The following GRIK3 variants were observed in gnomAD, a reference collection of about 807,000 sequenced individuals.
GRIK3 encodes the protein glutamate ionotropic receptor kainate type subunit 3, also known as glutamate receptor ionotropic, kainate 3.
A neutral mutation model predicts 102.5 loss-of-function variants in GRIK3; 29 were observed. That is an observed-to-expected ratio of 0.28 (90% CI 0.21 to 0.39). The LOEUF is 0.39. Among genes scored for constraint, GRIK3 ranks in the 10% least tolerant of loss-of-function variants. The pLI is 1.00. For synonymous variants in GRIK3, 511 were observed against 504.9 expected, an observed-to-expected ratio of 1.01 and a Z score of -0.16; for missense variants, 908 against 1,252.4, an observed-to-expected ratio of 0.73 and a Z score of 4.15.
intron 1 of GRIK3, among the ~76,000 whole-genome samples, chr1:36,913,489 C>A (rs1170612628): frequency 6.6e-6 from 1 of 152,170 alleles, no homozygotes; most frequent in African/African-American, 2.4e-5. Flanking sequence ...ATCCAGATGC[C>A]TTTTAGCTTA....
intron 1 of GRIK3, among the ~76,000 whole-genome samples, chr1:36,978,795 A>C (rs532423001): frequency 1.3e-5 from 2 of 152,344 alleles, no homozygotes; most frequent in Admixed American, 1.3e-4. Flanking sequence ...GCCTTTGCAG[A>C]GGTCTAGGCT....
rs188229990 is a variant in GRIK3, at chr1:37,000,468, T to G, written c.115+33526A>C. ...TGAAGTTCAGAGAGGAAAATGAAGT[T>G]GAGAGAGGAAAATGAAGTTGAGAGA... On this transcript the variant is annotated intron_variant, in intron 1 of 15. Transcript: ENST00000373091. Among the ~76,000 whole-genome samples, 888 of 152,070 alleles carry G rather than the reference T, an allele frequency of 5.8e-3. 11 individuals are homozygous for G. The highest frequency in any genetic ancestry group is 0.021 in the African/African-American group (857 of 41,496).
At chr1:36,989,844 A>T (rs951427458) in intron 1 of GRIK3, among the ~76,000 whole-genome samples, 4 of 152,194 alleles carry the variant, frequency 2.6e-5, no homozygotes, top group African/African-American at 9.7e-5. Flanking sequence ...TACAGTGATA[A>T]CCGTACCCCA....
chr1:37,031,011 A>G (rs980171218), intron 1 of GRIK3, among the ~76,000 whole-genome samples: 1 of 152,154 alleles, frequency 6.6e-6, no homozygotes, highest in Non-Finnish European at 1.5e-5. Context: ...GGGGTCAGGT[A>G]ACCTGGAAAT....
intron 1 of GRIK3, among the ~76,000 whole-genome samples, chr1:36,970,272 G>T (rs187731027): frequency 1.3e-4 from 20 of 152,310 alleles, no homozygotes; most frequent in East Asian, 5.8e-4. Context: ...TGTGAACTAG[G>T]AGGTCATCCG....
intron 1 of GRIK3, among the ~76,000 whole-genome samples, chr1:36,899,257 G>A (rs1641206836): frequency 6.6e-6 from 1 of 152,112 alleles, no homozygotes; most frequent in African/African-American, 2.4e-5. Flanking sequence ...TAGAATGCGA[G>A]AAGATATTTG....
chr1:36,866,639 C>A (rs1464923950), intron 5 of GRIK3, among the ~76,000 whole-genome samples: 2 of 152,174 alleles, frequency 1.3e-5, no homozygotes, highest in Non-Finnish European at 2.9e-5. Context: ...GCGTAACAAT[C>A]CTGTGAGGTA....
chr1:36,978,710 A>T (rs1039356612), intron 1 of GRIK3, among the ~76,000 whole-genome samples: 2 of 152,210 alleles, frequency 1.3e-5, no homozygotes, highest in African/African-American at 4.8e-5. Flanking sequence ...CTCATCTCTC[A>T]TCATCTAACA....
intron 1 of GRIK3, among the ~76,000 whole-genome samples, chr1:36,970,053 T>C (rs1389949417): frequency 6.6e-6 from 1 of 152,188 alleles, no homozygotes; most frequent in Non-Finnish European, 1.5e-5. Flanking sequence ...AGGTGTGATA[T>C]CCAAAAACTG....
At chr1:36,807,287 G>A (rs1319373785) in intron 13 of GRIK3, among the ~76,000 whole-genome samples, 1 of 152,064 alleles carries the variant, frequency 6.6e-6, no homozygotes, top group Non-Finnish European at 1.5e-5. Flanking sequence ...GCTGCCTGGG[G>A]AGACTGTGCA....
rs184791275 is a variant in GRIK3, at chr1:37,026,078, A to G, written c.115+7916T>C. Among the ~76,000 whole-genome samples, 8 of 152,260 alleles carry G rather than the reference A, an allele frequency of 5.3e-5. No homozygotes were observed. The East Asian group carries it at 1.5e-3, about 29-fold the overall frequency. The stretch of plus-strand genomic sequence containing the variant: ...TCCAGTCTCCAGTGGCCTGCCCAGG[A>G]GGTGAGATTGTACTCCCCATCTGAG... On this transcript the variant is annotated intron_variant, in intron 1 of 15. Coordinates refer to ENST00000373091, the MANE Select transcript of GRIK3 (RefSeq NM_000831.4).
At chr1:36,803,369 A>G (rs1481577301) in intron 15 of GRIK3, among the ~76,000 whole-genome samples, 3 of 152,166 alleles carry the variant, frequency 2.0e-5, no homozygotes, top group Non-Finnish European at 2.9e-5. Context: ...AGAGAAGTGG[A>G]GTAGACAGAT....
At chr1:36,818,614 G>A (rs143121600) in intron 12 of GRIK3, among the ~76,000 whole-genome samples, 2 of 152,372 alleles carry the variant, frequency 1.3e-5, no homozygotes, top group Non-Finnish European at 2.9e-5. Flanking sequence ...TCTCGCATGT[G>A]GGACAGATTT....
intron 1 of GRIK3, among the ~76,000 whole-genome samples, chr1:36,958,363 A>G (rs822864): frequency 0.15 from 6,010 of 39,782 alleles, 104 homozygotes; most frequent in Middle Eastern, 0.32. Context: ...TCTTTGCTCC[A>G]TGAGCCTGTG....
chr1:36,960,700 G>T (rs1557442483), intron 1 of GRIK3, among the ~76,000 whole-genome samples: 3 of 152,214 alleles, frequency 2.0e-5, no homozygotes, highest in Admixed American at 2.0e-4. Context: ...GACTTCCGCT[G>T]CTAAGCCTGG....
At chr1:36,832,978 T>C (rs1342821926) in intron 10 of GRIK3, among the ~76,000 whole-genome samples, 2 of 152,148 alleles carry the variant, frequency 1.3e-5, no homozygotes, top group Non-Finnish European at 2.9e-5. Context: ...TCTTTATCAC[T>C]ATGAAATTTT....
chr1:36,938,036 C>T (rs1002398570), intron 1 of GRIK3, among the ~76,000 whole-genome samples: 2 of 152,228 alleles, frequency 1.3e-5, no homozygotes, highest in African/African-American at 4.8e-5. Flanking sequence ...GTGTTAGGAA[C>T]AAACCCATGC....
intron 13 of GRIK3, among the ~76,000 whole-genome samples, chr1:36,807,174 C>G (rs1420099016): frequency 6.6e-6 from 1 of 152,060 alleles, no homozygotes; most frequent in African/African-American, 2.4e-5. Flanking sequence ...GAATCAGAAT[C>G]CCTAAGACCA....
chr1:36,897,648 C>T (rs1056880318), intron 1 of GRIK3, among the ~76,000 whole-genome samples: 1 of 152,218 alleles, frequency 6.6e-6, no homozygotes, highest in Non-Finnish European at 1.5e-5. Flanking sequence ...ATAATAAATG[C>T]TACTGAGGAT....
Sources: gnomAD v4.1 joint callset for allele counts (sites outside exome capture counted in the v4.1 genomes callset) on GRCh38, gnomAD v4.1.1 for gene constraint, MANE v1.5 for transcripts, NCBI Gene and HGNC (gene_info 2026-07-23, HGNC 2026-07-21) for gene names.